CNTN5: variants seen among roughly 807,000 people sequenced by gnomAD.
The protein encoded by CNTN5 is contactin 5.
Under a neutral mutation model 129.1 loss-of-function variants are expected in CNTN5, and 77 were observed. The ratio of observed to expected loss-of-function variants is 0.60; its 90% CI spans 0.50 to 0.72. The LOEUF (loss-of-function observed/expected upper bound fraction) is 0.72. CNTN5 is among the 30% of genes least tolerant of loss of function. The pLI is 0.00. For missense variants in CNTN5, 1,478 were observed against 1,328.8 expected (o/e 1.11, Z -1.75); for synonymous variants, 509 against 465.6 (o/e 1.09, Z -1.20).
intron 2 of CNTN5, among the ~76,000 whole-genome samples, chr11:99,427,693 G>T (rs920666171): frequency 6.7e-6 from 1 of 148,360 alleles, no homozygotes; most frequent in Non-Finnish European, 1.5e-5. Context: ...TTGAACCCGG[G>T]AGGCAGAAGT....
chr11:100,089,651 C>T (rs576379987), intron 13 of CNTN5, among the ~76,000 whole-genome samples: 43 of 152,232 alleles, frequency 2.8e-4, no homozygotes, highest in African/African-American at 9.6e-4. Flanking sequence ...AAACCAAATG[C>T]CCTTCATTGA....
chr11:100,104,916 G>A (rs1163089433), intron 13 of CNTN5, among the ~76,000 whole-genome samples: 2 of 152,024 alleles, frequency 1.3e-5, no homozygotes, highest in African/African-American at 4.8e-5. Context: ...TTTGCACCTA[G>A]AATCTTCATG....
At chr11:100,289,561 G>C (rs376269129) in intron 18 of CNTN5, among the ~76,000 whole-genome samples, 2,624 of 152,052 alleles carry the variant, frequency 0.017, 80 homozygotes, top group African/African-American at 0.059. Context: ...ATTCAACAAC[G>C]CTTCATGCTA....
chr11:99,941,834 C>G (rs937426260), intron 7 of CNTN5, among the ~76,000 whole-genome samples: 3 of 152,042 alleles, frequency 2.0e-5, no homozygotes, highest in African/African-American at 7.2e-5. Context: ...AAATAAAAGA[C>G]AGTGTTGTAG....
At chr11:100,061,041 A>G (rs1471209680) in intron 9 of CNTN5, among the ~76,000 whole-genome samples, 171 bp from the exon 10 acceptor site, 3 of 84,428 alleles carry the variant, frequency 3.6e-5, no homozygotes, top group African/African-American at 1.6e-4. Flanking sequence ...TTTATAATCT[A>G]CTTCCCAGAC....
intron 7 of CNTN5, among the ~76,000 whole-genome samples, chr11:99,931,641 C>T (rs1208193015): frequency 6.6e-6 from 1 of 152,204 alleles, no homozygotes; most frequent in Non-Finnish European, 1.5e-5. Context: ...CCTTTGATAA[C>T]TGGTTCCCAT....
chr11:99,673,868 T>C (rs1412037418), intron 3 of CNTN5, among the ~76,000 whole-genome samples: 3 of 152,198 alleles, frequency 2.0e-5, no homozygotes, highest in East Asian at 3.9e-4. Context: ...AGCATTTAGG[T>C]TGATTCCCTG....
rs541121050 is a variant in CNTN5 at position 99,711,539 on chromosome 11, C to T, written c.56-108005C>T. Among the ~76,000 whole-genome samples, 8 of 151,722 alleles carry T rather than the reference C, an allele frequency of 5.3e-5. No individual in the cohort carries two copies. In the East Asian group the frequency reaches 5.9e-4, roughly 11 times the overall value. On this transcript the variant is annotated intron_variant, in intron 3 of 24. Transcript: ENST00000524871. Reference sequence around the variant, plus strand: ...GGTACATATGCATAATGTGCAGGTTCGTTACATAGGTATACACGTGTCATG... The same window carrying T: ...GGTACATATGCATAATGTGCAGGTTTGTTACATAGGTATACACGTGTCATG...
intron 20 of CNTN5, among the ~76,000 whole-genome samples, chr11:100,305,799 C>T (rs1248165092): frequency 1.3e-5 from 2 of 151,520 alleles, no homozygotes; most frequent in East Asian, 3.9e-4. Context: ...TTTTTACATG[C>T]TGAAATGTCT....
chr11:99,964,142 T>G (rs1200491960), intron 8 of CNTN5, among the ~76,000 whole-genome samples: 2 of 152,176 alleles, frequency 1.3e-5, no homozygotes, highest in African/African-American at 4.8e-5. Flanking sequence ...CCTAATTGAA[T>G]ACCCTTTATT....
intron 1 of CNTN5, among the ~76,000 whole-genome samples, chr11:99,159,415 G>T (rs907341943): frequency 6.6e-6 from 1 of 152,182 alleles, no homozygotes; most frequent in African/African-American, 2.4e-5. Flanking sequence ...GAGGTCAGGA[G>T]ATCGAGACCA....
In CNTN5 at chr11:99,888,610, G is replaced by A. The variant is rs188679116; in HGVS notation, c.578-27444G>A. Reference sequence around the variant, plus strand: ...TTATTTTTATTTCTAAGATCAGAAAGCCTGAAGCTGAATCACATTTGTTAG... The same window carrying A: ...TTATTTTTATTTCTAAGATCAGAAAACCTGAAGCTGAATCACATTTGTTAG... On this transcript the variant is annotated intron_variant, in intron 6 of 24. Transcript: ENST00000524871. Among the ~76,000 whole-genome samples the A allele has an allele frequency of 1.2e-4, 18 of 152,304 alleles. No individual in the cohort carries two copies. In the East Asian group the frequency reaches 3.3e-3, roughly 28 times the overall value.
chr11:99,386,283 G>A (rs1433764875), intron 2 of CNTN5, among the ~76,000 whole-genome samples: 2 of 152,182 alleles, frequency 1.3e-5, no homozygotes, highest in Non-Finnish European at 2.9e-5. Flanking sequence ...AGTCCACAGT[G>A]CAAAGCAAAA....
At chr11:99,635,265 T>G (rs1244393390) in intron 3 of CNTN5, among the ~76,000 whole-genome samples, 1 of 152,176 alleles carries the variant, frequency 6.6e-6, no homozygotes, top group African/African-American at 2.4e-5. Context: ...ATTGCAAACT[T>G]GGGAGATCAG....
At chr11:99,398,842 A>T (rs1283229000) in intron 2 of CNTN5, among the ~76,000 whole-genome samples, 1 of 151,830 alleles carries the variant, frequency 6.6e-6, no homozygotes, top group Non-Finnish European at 1.5e-5. Context: ...CTGACAACTC[A>T]TATCACCTCT....
chr11:99,991,061 T>C (rs1374771524), intron 8 of CNTN5, among the ~76,000 whole-genome samples: 1 of 152,212 alleles, frequency 6.6e-6, no homozygotes, highest in Non-Finnish European at 1.5e-5. Flanking sequence ...GCACAATATC[T>C]TTTGCCCTGT....
intron 2 of CNTN5, among the ~76,000 whole-genome samples, chr11:99,461,662 T>C (rs1007075707): frequency 4.6e-5 from 7 of 152,264 alleles, no homozygotes; most frequent in Admixed American, 4.6e-4. Context: ...TGTCAAAAGT[T>C]GTATTCTAGT....
chr11:99,782,986 A>C (rs1945369170), intron 3 of CNTN5, among the ~76,000 whole-genome samples: 1 of 151,744 alleles, frequency 6.6e-6, no homozygotes, highest in Non-Finnish European at 1.5e-5. Context: ...ATGGGATCTA[A>C]TTAAAGAGCT....
At chr11:100,050,019 T>C (rs892660090) in intron 9 of CNTN5, among the ~76,000 whole-genome samples, 1 of 152,146 alleles carries the variant, frequency 6.6e-6, no homozygotes, top group African/African-American at 2.4e-5. Flanking sequence ...ACTTTTACAC[T>C]CTTAGTGGGA....
Sources: allele counts gnomAD v4.1 joint callset (sites outside exome capture counted in the v4.1 genomes callset), GRCh38; gene constraint gnomAD v4.1.1; transcripts MANE v1.5; gene names NCBI Gene and HGNC (gene_info 2026-07-23, HGNC 2026-07-21).